SAP130: variants seen among roughly 807,000 people sequenced by gnomAD.
The protein encoded by SAP130 is histone deacetylase complex subunit SAP130.
Under a neutral mutation model 103.2 loss-of-function variants are expected in SAP130, and 16 were observed. The observed-to-expected ratio is 0.16, with a 90% CI of 0.10 to 0.24. The LOEUF (loss-of-function observed/expected upper bound fraction) is 0.24. Ranked by LOEUF, SAP130 falls within the 10% of genes least tolerant of loss-of-function variation. The pLI, the probability that SAP130 is intolerant of heterozygous loss-of-function variation, is 1.00. For missense variants in SAP130, 990 were observed against 1,359.7 expected (o/e 0.73, Z 4.28); for synonymous variants, 477 against 497.0 (o/e 0.96, Z 0.53).
intron 15 of SAP130, among the ~76,000 whole-genome samples, chr2:127,972,810 T>C (rs1028095267): frequency 6.6e-6 from 1 of 152,034 alleles, no homozygotes; most frequent in African/African-American, 2.4e-5. Flanking sequence ...GATGACTACC[T>C]GCAGTCCCAG....
intron 13 of SAP130, among the ~76,000 whole-genome samples, 186 bp from the exon 14 acceptor site, chr2:127,987,148 T>G (rs1200804905): frequency 6.6e-6 from 1 of 152,234 alleles, no homozygotes; most frequent in Non-Finnish European, 1.5e-5. Context: ...ATGGGAGCAG[T>G]TACTAAGTCT....
chr2:128,024,332 T>G (rs1220191972), intron 2 of SAP130, among the ~76,000 whole-genome samples: 1 of 149,074 alleles, frequency 6.7e-6, no homozygotes, highest in African/African-American at 2.5e-5. Flanking sequence ...AAAAAAAAAT[T>G]AGGTTGGCAG....
intron 6 of SAP130, among the ~76,000 whole-genome samples, chr2:128,011,692 C>A (rs1358528430): frequency 6.6e-6 from 1 of 152,196 alleles, no homozygotes; most frequent in Non-Finnish European, 1.5e-5. Flanking sequence ...ACAGATACTA[C>A]CCAGTATCAT....
intron 15 of SAP130, among the ~76,000 whole-genome samples, chr2:127,977,645 T>C (rs948090428): frequency 2.6e-5 from 4 of 152,228 alleles, no homozygotes; most frequent in African/African-American, 7.2e-5. Context: ...GTAGATGTTA[T>C]AGGAATGCGC....
chr2:128,008,717 G>A (rs1013792403), intron 7 of SAP130, among the ~76,000 whole-genome samples: 3 of 150,388 alleles, frequency 2.0e-5, no homozygotes, highest in South Asian at 2.1e-4. Context: ...ATGGGGTCTC[G>A]CTCTGTTGCC....
intron 14 of SAP130, among the ~76,000 whole-genome samples, chr2:127,979,232 A>G (rs1056858514): frequency 2.0e-5 from 3 of 152,324 alleles, no homozygotes; most frequent in African/African-American, 7.2e-5. Context: ...GAACACAAAG[A>G]TCAACAGCAG....
At chr2:127,956,474 T>C (rs1228522262) in intron 15 of SAP130, among the ~76,000 whole-genome samples, 1 of 147,494 alleles carries the variant, frequency 6.8e-6, no homozygotes, top group Non-Finnish European at 1.5e-5. Flanking sequence ...GTCTTCCGCA[T>C]GTTCTCACTC....
At chr2:127,999,504 T>C (rs531234802) in intron 10 of SAP130, among the ~76,000 whole-genome samples, 2 of 151,424 alleles carry the variant, frequency 1.3e-5, no homozygotes, top group Admixed American at 6.6e-5. Flanking sequence ...CTTGGGAGGC[T>C]GAGGCAGGAG....
In SAP130 at chr2:127,987,555, T is replaced by C. The variant is rs541920929; in HGVS notation, c.1781-593A>G. ...AATGAGATAAGGTGAACAAAGTACA[T>C]AGTATCTAGTATAGTCTCTCACTCT... On this transcript the variant is annotated intron_variant, in intron 13 of 20. Coordinates refer to ENST00000643581, the MANE Select transcript of SAP130 (RefSeq NM_001330301.2). Among the ~76,000 whole-genome samples, 9 of 152,206 alleles carry C rather than the reference T, an allele frequency of 5.9e-5. No homozygotes were observed. The East Asian group carries it at 7.7e-4, about 13-fold the overall frequency.
intron 15 of SAP130, among the ~76,000 whole-genome samples, chr2:127,962,422 T>C (rs1005541860): frequency 1.3e-5 from 2 of 152,192 alleles, no homozygotes; most frequent in African/African-American, 4.8e-5. Flanking sequence ...TAAAGACACA[T>C]GCACACGTAT....
intron 11 of SAP130, among the ~76,000 whole-genome samples, chr2:127,994,350 G>C (rs1163478972): frequency 6.6e-6 from 1 of 152,200 alleles, no homozygotes; most frequent in African/African-American, 2.4e-5. Flanking sequence ...GAGCACTCTG[G>C]GAGGCTGAGG....
At chr2:128,008,521 C>T (rs971619282) in intron 7 of SAP130, among the ~76,000 whole-genome samples, 7 of 147,250 alleles carry the variant, frequency 4.8e-5, no homozygotes, top group East Asian at 4.0e-4. Flanking sequence ...CATGCCACCA[C>T]GCTTACCTTT....
intron 2 of SAP130, among the ~76,000 whole-genome samples, chr2:128,019,851 C>T (rs1456462807): frequency 6.6e-6 from 1 of 151,800 alleles, no homozygotes; most frequent in African/African-American, 2.4e-5. Flanking sequence ...TGCACTCCAG[C>T]CTGGGGGACA....
chr2:127,980,930 T>C (rs1275077893), intron 14 of SAP130, among the ~76,000 whole-genome samples: 1 of 138,628 alleles, frequency 7.2e-6, no homozygotes, highest in African/African-American at 2.7e-5. Context: ...TAGGCAATAA[T>C]GCAGATGAAT....
intron 14 of SAP130, among the ~76,000 whole-genome samples, chr2:127,985,761 C>A (rs955889395): frequency 6.6e-6 from 1 of 152,042 alleles, no homozygotes; most frequent in Non-Finnish European, 1.5e-5. Context: ...TTCCCCCAGA[C>A]CACCCTGGCC....
At chr2:128,027,195 G>T (rs1573876524) in intron 1 of SAP130, 3 of 1,227,562 alleles carry the variant, frequency 2.4e-6, no homozygotes, top group Admixed American at 4.3e-5. Context: ...GGCGGGCGCG[G>T]GGAGGGATCG....
At chr2:127,943,666 C>T (rs1218651202) in intron 19 of SAP130, among the ~76,000 whole-genome samples, 1 of 152,146 alleles carries the variant, frequency 6.6e-6, no homozygotes, top group East Asian at 1.9e-4. Context: ...TACGGCATGA[C>T]AGATTAAAAA....
At chr2:127,992,880 A>G (rs1406136856) in intron 12 of SAP130, among the ~76,000 whole-genome samples, 1 of 152,220 alleles carries the variant, frequency 6.6e-6, no homozygotes, top group East Asian at 1.9e-4. Context: ...TTTGCATAAA[A>G]CAATGGAAAC....
intron 10 of SAP130, among the ~76,000 whole-genome samples, chr2:127,997,812 C>G (rs1032532151): frequency 1.3e-5 from 2 of 152,174 alleles, no homozygotes; most frequent in African/African-American, 2.4e-5. Context: ...TCTTTGTTTT[C>G]TAATTTAAAA....
Sources: gnomAD v4.1 joint callset for allele counts (sites outside exome capture counted in the v4.1 genomes callset) on GRCh38, gnomAD v4.1.1 for gene constraint, MANE v1.5 for transcripts, NCBI Gene and HGNC (gene_info 2026-07-23, HGNC 2026-07-21) for gene names.